The following MKNK1 variants were observed in gnomAD, a reference collection of about 807,000 sequenced individuals.
MKNK1 encodes the protein MAP kinase-interacting serine/threonine-protein kinase 1.
Under a neutral mutation model 49.3 loss-of-function variants are expected in MKNK1, and 30 were observed. The ratio of observed to expected loss-of-function variants is 0.61; its 90% CI spans 0.46 to 0.83. The LOEUF is 0.83. MKNK1 is among the 40% of genes least tolerant of loss of function. MKNK1 has a pLI of 0.00. For synonymous variants in MKNK1, 176 were observed against 201.7 expected (o/e 0.87, Z 1.08); for missense variants, 423 against 524.7 (o/e 0.81, Z 1.89).
intron 2 of MKNK1, 137 bp from the exon 3 acceptor site, chr1:46,583,466 T>C: frequency 1.7e-6 from 1 of 598,570 alleles, no homozygotes; most frequent in Non-Finnish European, 2.9e-6. Flanking sequence ...CTGTGAAGAC[T>C]ATTGATTTGT....
chr1:46,567,613 C>T (rs1399945568), intron 8 of MKNK1, among the ~76,000 whole-genome samples: 1 of 152,170 alleles, frequency 6.6e-6, no homozygotes, highest in African/African-American at 2.4e-5. Context: ...TTGTGAGTAG[C>T]AGACTGACTC....
intron 4 of MKNK1, among the ~76,000 whole-genome samples, chr1:46,577,211 A>G (rs61783117): frequency 0.041 from 6,307 of 152,092 alleles, 161 homozygotes; most frequent in African/African-American, 0.079. Context: ...GGGTGTGGTG[A>G]CTCACACCTG....
rs767700644 is a variant in MKNK1 at position 46,594,119 on chromosome 1, G to T, written c.-9C>A. 74 of 1,608,054 alleles carry T rather than the reference G, an allele frequency of 4.6e-5. No individual in the cohort carries two copies. The highest frequency in any genetic ancestry group is 1.6e-4 in the Middle Eastern group (1 of 6,066). On this transcript the variant is annotated 5_prime_UTR_variant, in exon 2 of 13. Coordinates refer to ENST00000371945, the MANE Select transcript of MKNK1 (RefSeq NM_001135553.4). Reference sequence around the variant, plus strand: ...AATGTACACCCAATCTTACCTATAGGTTTTTCCAACTTTTGAGAAGATACC... The same window carrying T: ...AATGTACACCCAATCTTACCTATAGTTTTTTCCAACTTTTGAGAAGATACC...
chr1:46,603,989 C>G (rs2148794162), intron 1 of MKNK1, among the ~76,000 whole-genome samples, 196 bp downstream of exon 1: 1 of 152,098 alleles, frequency 6.6e-6, no homozygotes, highest in East Asian at 1.9e-4. Context: ...CACGCCCCGA[C>G]CCCAGGCACA....
Position 46,560,274 on chromosome 1 carries a change from C to G in MKNK1, c.973G>C (p.Ala325Pro). Residue 325 changes from alanine to proline, a missense_variant, in exon 12 of 13, where the codon GCT becomes CCT. Transcript: ENST00000371945. ...VLQHPWVQGQ[A>P]PEKGLPTPQV... ...GGCGTGGGGAGTCCCTTTTCTGGAG[C>G]TTGCTAGAATGGGAAGGACAGATGT... 6.2e-7 allele frequency: 1 copy of G among 1,614,106 alleles called. No homozygotes were observed. Among genetic ancestry groups the G allele is most frequent in the South Asian group, 1.1e-5 (1 of 91,074 alleles).
chr1:46,568,200 G>A, intron 8 of MKNK1: 1 of 462,328 alleles, frequency 2.2e-6, no homozygotes, highest in Non-Finnish European at 3.9e-6. Context: ...TATTAATTTT[G>A]TGCAGGTCTC....
intron 6 of MKNK1, 110 bp from the exon 7 acceptor site, chr1:46,572,277 G>T: frequency 1.2e-6 from 1 of 844,194 alleles, no homozygotes; most frequent in Non-Finnish European, 1.9e-6. Flanking sequence ...GTAGTGGCAC[G>T]ATCTCGGCTC....
chr1:46,562,754 G>A lies in MKNK1; in HGVS notation c.699C>T (p.Ser233=). The A allele has an allele frequency of 6.2e-7, 1 of 1,609,384 alleles. No individual in the cohort carries two copies. Among genetic ancestry groups the A allele is most frequent in the Non-Finnish European group, 8.5e-7 (1 of 1,177,656 alleles). Residue 233 remains serine, a synonymous_variant, in exon 10 of 13, where the codon AGC becomes AGT. Coordinates refer to ENST00000371945, the MANE Select transcript of MKNK1 (RefSeq NM_001135553.4). ...GCATGATGTAGAGGACCACGCCCAG[G>A]CTCCACAGGTCACAGCGCTTGTCGT... ...TFYDKRCDLW[S]LGVVLYIMLS...
At chr1:46,596,728 G>C (rs1570331318) in intron 1 of MKNK1, among the ~76,000 whole-genome samples, 1 of 152,258 alleles carries the variant, frequency 6.6e-6, no homozygotes, top group East Asian at 1.9e-4. Context: ...TAGAGCTCGT[G>C]GCACCAGTAT....
At position 46,593,434 on chromosome 1, in the gene MKNK1, T is replaced by C. The variant is rs546559736; in HGVS notation, c.-3+679A>G. On this transcript the variant is annotated intron_variant, in intron 2 of 12. Coordinates refer to ENST00000371945, the MANE Select transcript of MKNK1 (RefSeq NM_001135553.4). ...CTGGCCAAATTATTAGCAATGGTTATTTGGGGAGGGACAGTGTCTAATTCC... is the reference window on the plus strand; with the variant it reads ...CTGGCCAAATTATTAGCAATGGTTACTTGGGGAGGGACAGTGTCTAATTCC... 3 of 152,388 alleles carry C rather than the reference T, an allele frequency of 2.0e-5. No individual in the cohort carries two copies. The East Asian group carries it at 5.8e-4, about 29-fold the overall frequency. The allele number at this position is 152,388 out of a possible 1,614,324, so 9.4% of individuals were successfully genotyped here. A position where few individuals can be genotyped will look rare whatever the true frequency, so the allele number is the denominator to read the frequency against.
intron 8 of MKNK1, 171 bp from the exon 9 acceptor site, chr1:46,565,307 C>T (rs1015435328): frequency 2.4e-5 from 15 of 635,530 alleles, no homozygotes; most frequent in Non-Finnish European, 4.0e-5. Context: ...GATTTCTTCC[C>T]AAGTGTCTTA....
rs1673049703 is a variant in MKNK1, at chr1:46,589,476, A to C, written c.-3+4637T>G. ...ATGACATTAGCTCACAAGCAGTCTC[A>C]TCGTCATCGATGATAATAAATGTCT... On this transcript the variant is annotated intron_variant, in intron 2 of 12. Coordinates refer to ENST00000371945, the MANE Select transcript of MKNK1 (RefSeq NM_001135553.4). This position sits in a 1 kb window ranked among gnomAD's most constrained non-coding sequence, Gnocchi z 4.3. Among the ~76,000 whole-genome samples the C allele has an allele frequency of 6.6e-6, 1 of 152,196 alleles. No individual in the cohort carries two copies.
chr1:46,601,749 T>A (rs1463170263), intron 1 of MKNK1, among the ~76,000 whole-genome samples: 2 of 152,152 alleles, frequency 1.3e-5, no homozygotes, highest in African/African-American at 4.8e-5. Flanking sequence ...GGGCCAAACC[T>A]AGTAAATAAA....
chr1:46,585,249 C>CAAAAAAA (rs58692301), intron 2 of MKNK1, among the ~76,000 whole-genome samples: 3 of 62,138 alleles, frequency 4.8e-5, no homozygotes, highest in Non-Finnish European at 6.1e-5. Flanking sequence ...GATTCCGTCT[C>CAAAAAAA]AAAAAAAAAA....
At chr1:46,564,052 A>AAAAAAAAAAAAT (rs1259674381) in intron 9 of MKNK1, among the ~76,000 whole-genome samples, 1 of 148,346 alleles carries the variant, frequency 6.7e-6, no homozygotes, top group African/African-American at 2.5e-5. Context: ...CTCAAAAAAA[A>AAAAAAAAAAAAT]AAAAAAAAAA....
chr1:46,583,103 C>A, intron 3 of MKNK1, 125 bp downstream of exon 3: 1 of 767,806 alleles, frequency 1.3e-6, no homozygotes, highest in South Asian at 1.5e-5. Flanking sequence ...TATCTCCCTA[C>A]CACACAGATA....
intron 2 of MKNK1, chr1:46,586,028 T>G: frequency 3.5e-6 from 3 of 847,872 alleles, no homozygotes; most frequent in Non-Finnish European, 5.3e-6. Context: ...CATGCTTAGC[T>G]TCCCTGGTTA....
At chr1:46,594,850 A>C (rs1158702961) in intron 1 of MKNK1, 1 of 418,416 alleles carries the variant, frequency 2.4e-6, no homozygotes, top group Non-Finnish European at 4.7e-6. Context: ...AAAATTAGCC[A>C]GGCATGGTGG....
At chr1:46,600,330 GT>G (rs1674577571) in intron 1 of MKNK1, among the ~76,000 whole-genome samples, 1 of 152,182 alleles carries the variant, frequency 6.6e-6, no homozygotes, top group African/African-American at 2.4e-5. Flanking sequence ...CAATACCAGG[GT>G]CTTGTACATA....
Sources: gnomAD v4.1 joint callset for allele counts (sites outside exome capture counted in the v4.1 genomes callset) on GRCh38, gnomAD v4.1.1 for gene constraint, Gnocchi (gnomAD v3.1) non-coding constraint, MANE v1.5 for transcripts, NCBI Gene and HGNC (gene_info 2026-07-23, HGNC 2026-07-21) for gene names.